The following GABRG3 variants were observed in gnomAD, a reference collection of about 807,000 sequenced individuals.
The protein encoded by GABRG3 is gamma-aminobutyric acid type A receptor subunit gamma3, also known as gamma-aminobutyric acid receptor subunit gamma-3.
A neutral mutation model predicts 48.8 loss-of-function variants in GABRG3; 25 were observed. The ratio of observed to expected loss-of-function variants is 0.51; its 90% CI spans 0.37 to 0.72. The LOEUF (loss-of-function observed/expected upper bound fraction) is 0.72. Ranked by LOEUF, GABRG3 falls within the 30% of genes least tolerant of loss-of-function variation. The pLI is 0.00. For synonymous variants in GABRG3, 227 were observed against 217.6 expected (o/e 1.04, Z -0.38); for missense variants, 394 against 577.9 (o/e 0.68, Z 3.26).
At chr15:27,018,832 T>C (rs1310039860) in intron 2 of GABRG3, among the ~76,000 whole-genome samples, 1 of 152,152 alleles carries the variant, frequency 6.6e-6, no homozygotes, top group African/African-American at 2.4e-5. Flanking sequence ...ATGTACCTTT[T>C]ACCCAAATTC....
chr15:27,391,977 A>C (rs1887146249), intron 5 of GABRG3, among the ~76,000 whole-genome samples: 1 of 152,204 alleles, frequency 6.6e-6, no homozygotes, highest in South Asian at 2.1e-4. Context: ...GTGAAAAATT[A>C]ATTCTCAGTC....
chr15:27,089,026 G>A (rs1053821942), intron 3 of GABRG3, among the ~76,000 whole-genome samples: 1 of 152,110 alleles, frequency 6.6e-6, no homozygotes, highest in East Asian at 1.9e-4. Context: ...GGGCTCTGGA[G>A]CCCTGAGCAG....
Position 27,322,028 on chromosome 15 carries a change from A to G in GABRG3, c.271-4781A>G, listed in dbSNP as rs200177686. Among the ~76,000 whole-genome samples the G allele has an allele frequency of 3.9e-5, 6 of 152,380 alleles. No individual in the cohort carries two copies. In the East Asian group the frequency reaches 9.6e-4, roughly 24 times the overall value. On this transcript the variant is annotated intron_variant, in intron 3 of 9. Coordinates refer to ENST00000615808, the MANE Select transcript of GABRG3 (RefSeq NM_033223.5). The stretch of plus-strand genomic sequence containing the variant: ...TGAGTTTCATCTGTTAGTATTTCAG[A>G]CACATTAATTTCATAGCATTAAGGA...
intron 9 of GABRG3, among the ~76,000 whole-genome samples, chr15:27,532,141 C>G (rs1449987031): frequency 6.6e-6 from 1 of 152,132 alleles, no homozygotes; most frequent in Non-Finnish European, 1.5e-5. Flanking sequence ...TCCATACTTA[C>G]TACAAAACCA....
At chr15:27,482,015 A>C (rs1409095971) in intron 6 of GABRG3, among the ~76,000 whole-genome samples, 2 of 152,150 alleles carry the variant, frequency 1.3e-5, no homozygotes, top group African/African-American at 2.4e-5. Context: ...GGTGTTCTCA[A>C]AACAAAAGGA....
intron 3 of GABRG3, among the ~76,000 whole-genome samples, chr15:27,321,694 G>T (rs1893431508): frequency 6.6e-6 from 1 of 152,098 alleles, no homozygotes; most frequent in Non-Finnish European, 1.5e-5. Flanking sequence ...AAGAGGCTTT[G>T]TCCCCCAGCA....
intron 3 of GABRG3, among the ~76,000 whole-genome samples, chr15:27,095,348 C>A (rs1239655898): frequency 6.6e-6 from 1 of 152,196 alleles, no homozygotes; most frequent in Non-Finnish European, 1.5e-5. Context: ...CACACACATG[C>A]TTCTGTGATG....
intron 3 of GABRG3, among the ~76,000 whole-genome samples, chr15:27,191,295 C>G (rs982691401): frequency 3.9e-5 from 6 of 152,088 alleles, no homozygotes; most frequent in African/African-American, 1.2e-4. Context: ...CTTTCTGTCT[C>G]ATTGATCTGT....
At chr15:27,526,363 C>T (rs1443873831) in intron 7 of GABRG3, among the ~76,000 whole-genome samples, 1 of 152,212 alleles carries the variant, frequency 6.6e-6, no homozygotes, top group Non-Finnish European at 1.5e-5. Flanking sequence ...TGTACCTACT[C>T]TCTGACTAGT....
chr15:27,522,912 ATT>A (rs1313141361), intron 7 of GABRG3, among the ~76,000 whole-genome samples: 1 of 151,986 alleles, frequency 6.6e-6, no homozygotes, highest in East Asian at 1.9e-4. Context: ...TTGTCCACTT[ATT>A]TAAGTGATTA....
intron 3 of GABRG3, among the ~76,000 whole-genome samples, chr15:27,217,980 C>T (rs1889319522): frequency 6.6e-6 from 1 of 152,138 alleles, no homozygotes; most frequent in Non-Finnish European, 1.5e-5. Flanking sequence ...AGTCTGTCGC[C>T]TTCAGAGGTG....
intron 2 of GABRG3, among the ~76,000 whole-genome samples, chr15:27,018,151 G>A (rs1034500184): frequency 1.3e-5 from 2 of 152,194 alleles, no homozygotes; most frequent in Non-Finnish European, 2.9e-5. Flanking sequence ...GTTTATAGAT[G>A]GAGAAAATGA....
rs71465215 is a variant in GABRG3, at chr15:27,137,061, T to C, written c.270+110240T>C. Among the ~76,000 whole-genome samples, 888 of 152,302 alleles carry C rather than the reference T, an allele frequency of 5.8e-3. 2 individuals are homozygous for C. Among genetic ancestry groups the C allele is most frequent in the Non-Finnish European group, 9.4e-3 (637 of 68,022 alleles). On this transcript the variant is annotated intron_variant, in intron 3 of 9. Transcript: ENST00000615808. ...CCAGCATCCTGAGGAGCTGCCTGACTCGTACCTGCCTATAAAAGGTTCCCT... is the reference window on the plus strand; with the variant it reads ...CCAGCATCCTGAGGAGCTGCCTGACCCGTACCTGCCTATAAAAGGTTCCCT...
At chr15:27,532,403 A>G (rs1406281046) in intron 9 of GABRG3, among the ~76,000 whole-genome samples, 197 bp from the exon 10 acceptor site, 2 of 141,602 alleles carry the variant, frequency 1.4e-5, no homozygotes, top group South Asian at 2.2e-4. Flanking sequence ...CTTCTTGCCT[A>G]TTAAACTCTC....
chr15:27,473,700 G>A (rs1745118758), intron 5 of GABRG3, among the ~76,000 whole-genome samples: 3 of 152,132 alleles, frequency 2.0e-5, no homozygotes, highest in Non-Finnish European at 4.4e-5. Context: ...AATGTATCAG[G>A]TTTCCAAAAG....
At chr15:27,315,978 G>A (rs75194894) in intron 3 of GABRG3, among the ~76,000 whole-genome samples, 59 of 152,188 alleles carry the variant, frequency 3.9e-4, no homozygotes, top group African/African-American at 1.4e-3. Context: ...TTTTGTAAGC[G>A]TTTGTCTGAT....
chr15:27,389,635 C>T (rs1426556244), intron 5 of GABRG3, among the ~76,000 whole-genome samples: 1 of 152,114 alleles, frequency 6.6e-6, no homozygotes, highest in African/African-American at 2.4e-5. Flanking sequence ...CAGTCTAACT[C>T]TGATTGGTAA....
chr15:27,090,037 G>A (rs150373809), intron 3 of GABRG3, among the ~76,000 whole-genome samples: 3 of 152,302 alleles, frequency 2.0e-5, no homozygotes, highest in African/African-American at 7.2e-5. Flanking sequence ...TTGAACACCT[G>A]TTTTCAGTTC....
chr15:27,057,525 C>G (rs1896571065), intron 3 of GABRG3, among the ~76,000 whole-genome samples: 1 of 152,052 alleles, frequency 6.6e-6, no homozygotes, highest in Admixed American at 6.6e-5. Context: ...TTTCCTGTGC[C>G]TTATACATCT....
Sources: allele counts gnomAD v4.1 joint callset (sites outside exome capture counted in the v4.1 genomes callset), GRCh38; gene constraint gnomAD v4.1.1; transcripts MANE v1.5; gene names NCBI Gene and HGNC (gene_info 2026-07-23, HGNC 2026-07-21).